The following SLC25A33 variants were observed in gnomAD, a reference collection of about 807,000 sequenced individuals.
The protein encoded by SLC25A33 is bone marrow stromal cell mitochondrial carrier protein.
SLC25A33 carries 15 observed loss-of-function variants against 35.5 expected under a neutral mutation model. The ratio of observed to expected loss-of-function variants is 0.42; its 90% confidence interval spans 0.28 to 0.65. SLC25A33 has a LOEUF of 0.65. Among genes scored for constraint, SLC25A33 ranks in the 30% least tolerant of loss-of-function variants. The probability of loss-of-function intolerance (pLI) is 0.20; values close to 1 mark genes in which losing one functional copy is unlikely to be tolerated. For missense variants in SLC25A33, 257 were observed against 398.5 expected (o/e 0.64, Z 3.02); for synonymous variants, 136 against 148.7 (o/e 0.91, Z 0.62).
At chr1:9,576,446 A>G (rs1441758593) in intron 5 of SLC25A33, 3 of 395,550 alleles carry the variant, frequency 7.6e-6, no homozygotes, top group African/African-American at 2.1e-5. Flanking sequence ...ATTCACAGCA[A>G]TCAGACTGTT....
chr1:9,549,022 A>G (rs889100131), intron 1 of SLC25A33, among the ~76,000 whole-genome samples: 2 of 152,176 alleles, frequency 1.3e-5, no homozygotes, highest in Non-Finnish European at 2.9e-5. Flanking sequence ...GGTCTGGGCT[A>G]CAGATTGAGA....
At position 9,566,214 on chromosome 1, in the gene SLC25A33, A is replaced by AT. The variant is rs145469202; in HGVS notation, c.237-1064dup. On this transcript the variant is annotated intron_variant, in intron 2 of 6. Transcript: ENST00000302692. ...CCACCACACCTGGCTAATATTTTTC[A>AT]TTTTTTGTATAGATGGGGTTTATAC... Among the ~76,000 whole-genome samples the AT allele has an allele frequency of 6.8e-3, 1,028 of 151,958 alleles. 10 individuals carry two copies. The highest frequency in any genetic ancestry group is 0.024 in the African/African-American group (981 of 41,436).
chr1:9,553,203 G>GTTTTTTTTTTTGTTTTT (rs1643291421), intron 1 of SLC25A33, among the ~76,000 whole-genome samples: 1 of 56,486 alleles, frequency 1.8e-5, no homozygotes. Context: ...TTCTAGTTTT[G>GTTTTTTTTTTTGTTTTT]TTTTTTTTTT....
In SLC25A33 at chr1:9,584,796, C is replaced by G. The variant is rs999651058; in HGVS notation, c.*2295C>G. 3 of 152,206 alleles carry G rather than the reference C, an allele frequency of 2.0e-5. No individual in the cohort carries two copies. The South Asian group carries it at 6.2e-4, about 32-fold the overall frequency. 9.4% of individuals were successfully genotyped at this position (152,206 alleles called of 1,614,324 possible). On this transcript the variant is annotated 3_prime_UTR_variant, in exon 7 of 7. Coordinates refer to ENST00000302692, the MANE Select transcript of SLC25A33 (RefSeq NM_032315.3). ...GTGGCAAGATCATAGCTCACTGTAA[C>G]CTCAAACTCCTGGGCACAAGGGATC...
intron 1 of SLC25A33, among the ~76,000 whole-genome samples, chr1:9,551,304 C>G (rs1005748354): frequency 2.0e-5 from 3 of 152,120 alleles, no homozygotes; most frequent in Non-Finnish European, 4.4e-5. Flanking sequence ...ATCCAGGAGG[C>G]AGAGGTTGCA....
At chr1:9,565,887 A>AAG (rs1426939606) in intron 2 of SLC25A33, among the ~76,000 whole-genome samples, 1 of 151,876 alleles carries the variant, frequency 6.6e-6, no homozygotes, top group Non-Finnish European at 1.5e-5. Flanking sequence ...CAAAAAAAAA[A>AAG]AAACAAAGAA....
intron 1 of SLC25A33, among the ~76,000 whole-genome samples, chr1:9,548,920 G>A (rs1309849916): frequency 6.6e-6 from 1 of 152,192 alleles, no homozygotes; most frequent in Non-Finnish European, 1.5e-5. Context: ...CTGTCTATGA[G>A]AGAAGAACGG....
chr1:9,560,330 C>T (rs979796296), intron 2 of SLC25A33, among the ~76,000 whole-genome samples: 5 of 151,480 alleles, frequency 3.3e-5, no homozygotes, highest in Non-Finnish European at 7.4e-5. Flanking sequence ...TGCTTGTGGC[C>T]GAGGCGGGCG....
At chr1:9,551,483 A>G (rs1202006758) in intron 1 of SLC25A33, among the ~76,000 whole-genome samples, 1 of 152,196 alleles carries the variant, frequency 6.6e-6, no homozygotes, top group Non-Finnish European at 1.5e-5. Flanking sequence ...TAGATTTCCA[A>G]CATTTGCCTC....
intron 2 of SLC25A33, among the ~76,000 whole-genome samples, chr1:9,566,768 C>T (rs1196819179): frequency 6.6e-6 from 1 of 152,162 alleles, no homozygotes; most frequent in Admixed American, 6.5e-5. Context: ...AACGCTTCAA[C>T]CTGGGGGGCG....
chr1:9,577,055 A>G, intron 5 of SLC25A33: 1 of 680,848 alleles, frequency 1.5e-6, no homozygotes, highest in Non-Finnish European at 2.5e-6. Flanking sequence ...TGATATTTAA[A>G]TGATGCCATA....
At chr1:9,560,468 G>T (rs1356619182) in intron 2 of SLC25A33, among the ~76,000 whole-genome samples, 1 of 151,914 alleles carries the variant, frequency 6.6e-6, no homozygotes, top group Non-Finnish European at 1.5e-5. Context: ...GGAGGTTGAG[G>T]CAGGAGAATG....
chr1:9,560,922 C>G (rs1458396252), intron 2 of SLC25A33, among the ~76,000 whole-genome samples: 2 of 149,266 alleles, frequency 1.3e-5, no homozygotes, highest in Non-Finnish European at 3.0e-5. Flanking sequence ...CAGCAAAGTT[C>G]TTACTATTTA....
At chr1:9,545,813 T>A (rs1016548334) in intron 1 of SLC25A33, among the ~76,000 whole-genome samples, 1 of 151,416 alleles carries the variant, frequency 6.6e-6, no homozygotes, top group Non-Finnish European at 1.5e-5. Flanking sequence ...ACAAAAAAAA[T>A]TTAGCTGGGC....
intron 1 of SLC25A33, among the ~76,000 whole-genome samples, chr1:9,541,719 CAAG>C (rs1486164549): frequency 1.4e-5 from 2 of 146,432 alleles, no homozygotes; most frequent in African/African-American, 5.0e-5. Context: ...TTTTTTAAGC[CAAG>C]AAGGATCATT....
Position 9,570,332 on chromosome 1 carries a change from T to C in SLC25A33, c.389T>C (p.Val130Ala), listed in dbSNP as rs756333357. The change falls in exon 4 of 7, where the codon GTG becomes GCG. Residue 130 changes from valine to alanine, a missense_variant. Transcript: ENST00000302692. The part of the protein sequence containing the change: ...NGIFVPNSNI[V>A]HIFSAGSAAF... The stretch of plus-strand genomic sequence containing the variant: ...ATTTTCGTGCCTAACAGCAATATTG[T>C]GCATATTTTCTCAGCTGGCTCTGCA... The C allele has an allele frequency of 1.2e-6, 2 of 1,613,902 alleles. No individual in the cohort carries two copies. Among genetic ancestry groups the C allele is most frequent in the Non-Finnish European group, 1.7e-6 (2 of 1,179,972 alleles).
In SLC25A33 at chr1:9,580,411, T is replaced by G. The variant is rs566981292; in HGVS notation, c.763+177T>G. 2.1e-3 allele frequency among the ~76,000 whole-genome samples: 319 copies of G among 152,366 alleles called. 3 individuals carry two copies. The highest frequency in any genetic ancestry group is 7.4e-3 in the African/African-American group (307 of 41,582). On this transcript the variant is annotated intron_variant, in intron 6 of 6. Coordinates refer to ENST00000302692, the MANE Select transcript of SLC25A33 (RefSeq NM_032315.3). ...CAGAGGTCACGTGAGTGGTGGGAAC[T>G]CGACCTTACTCAAATCCAGCTGATT...
At chr1:9,547,575 G>A (rs1054293354) in intron 1 of SLC25A33, among the ~76,000 whole-genome samples, 1 of 152,126 alleles carries the variant, frequency 6.6e-6, no homozygotes, top group African/African-American at 2.4e-5. Context: ...CATTTTATTG[G>A]TCTAGAATAG....
At chr1:9,557,700 T>TA (rs1643366068) in intron 2 of SLC25A33, among the ~76,000 whole-genome samples, 1 of 152,226 alleles carries the variant, frequency 6.6e-6, no homozygotes, top group Admixed American at 6.5e-5. Flanking sequence ...GAAAGCTACT[T>TA]ATCATTGTAA....
Sources: gnomAD v4.1 joint callset for allele counts (sites outside exome capture counted in the v4.1 genomes callset) on GRCh38, gnomAD v4.1.1 for gene constraint, MANE v1.5 for transcripts, NCBI Gene and HGNC (gene_info 2026-07-23, HGNC 2026-07-21) for gene names.